Variants in CCDC141 observed in about 807,000 individuals in gnomAD.
CCDC141 encodes coiled-coil domain containing 141.
In CCDC141, 168 loss-of-function variants were observed where a neutral mutation model predicts 181.0. The ratio of observed to expected loss-of-function variants is 0.93; its 90% confidence interval spans 0.82 to 1.05. CCDC141 has a LOEUF of 1.05. Ranked by LOEUF, CCDC141 falls within the 50% of genes least tolerant of loss-of-function variation. The probability of loss-of-function intolerance (pLI) is 0.00; values close to 1 mark genes in which losing one functional copy is unlikely to be tolerated. For missense variants in CCDC141, 1,902 were observed against 1,788.5 expected (o/e 1.06, Z -1.14); for synonymous variants, 666 against 642.3 (o/e 1.04, Z -0.56).
the CCDC141 span, chr2:178,817,535 T>C: frequency 6.4e-6 from 3 of 470,960 alleles, no homozygotes; most frequent in Non-Finnish European, 1.3e-5. Flanking sequence ...CTTCAGTATC[T>C]CCAGGTACCA....
chr2:178,989,637 T>A (rs1382572371), intron 2 of CCDC141, among the ~76,000 whole-genome samples: 1 of 146,666 alleles, frequency 6.8e-6, no homozygotes, highest in Non-Finnish European at 1.5e-5. Flanking sequence ...AATAAATAAA[T>A]AAATAAAACA....
intron 7 of CCDC141, among the ~76,000 whole-genome samples, chr2:178,911,578 C>G (rs1688220584): frequency 1.3e-5 from 2 of 152,180 alleles, no homozygotes; most frequent in Admixed American, 1.3e-4. Flanking sequence ...TACAATTTAT[C>G]ACCAACTATA....
intron 2 of CCDC141, among the ~76,000 whole-genome samples, chr2:179,021,935 A>T (rs933549100): frequency 1.3e-5 from 2 of 152,208 alleles, no homozygotes; most frequent in African/African-American, 4.8e-5. Flanking sequence ...CATAGGCCTA[A>T]TAAAAGATAG....
At chr2:178,868,748 A>T (rs1200158651) in intron 15 of CCDC141, among the ~76,000 whole-genome samples, 2 of 152,200 alleles carry the variant, frequency 1.3e-5, no homozygotes, top group African/African-American at 4.8e-5. Context: ...AATGCAAGAT[A>T]TGTGGAATAC....
intron 2 of CCDC141, among the ~76,000 whole-genome samples, chr2:178,979,709 C>A (rs1267556885): frequency 6.6e-6 from 1 of 152,160 alleles, no homozygotes; most frequent in Non-Finnish European, 1.5e-5. Flanking sequence ...ACAAAAATCA[C>A]TGATGCTTTA....
At chr2:179,018,735 G>A (rs1215016913) in intron 2 of CCDC141, among the ~76,000 whole-genome samples, 1 of 152,172 alleles carries the variant, frequency 6.6e-6, no homozygotes, top group East Asian at 1.9e-4. Context: ...GTACAATTGT[G>A]AGTGAGCTAG....
At chr2:179,017,337 C>T (rs192031157) in intron 2 of CCDC141, among the ~76,000 whole-genome samples, 1 of 152,086 alleles carries the variant, frequency 6.6e-6, no homozygotes, top group Non-Finnish European at 1.5e-5. Context: ...TACAAATGAG[C>T]TTCCACTTCT....
At chr2:178,954,410 G>C (rs1248809142) in intron 5 of CCDC141, among the ~76,000 whole-genome samples, 2 of 152,164 alleles carry the variant, frequency 1.3e-5, no homozygotes. Context: ...GAAAGAACAT[G>C]CTATAATTAT....
intron 2 of CCDC141, among the ~76,000 whole-genome samples, chr2:179,020,158 C>T (rs1433310750): frequency 6.6e-6 from 1 of 152,110 alleles, no homozygotes. Context: ...TTCCATAGAA[C>T]GGGCATGTGT....
intron 7 of CCDC141, among the ~76,000 whole-genome samples, chr2:178,909,051 C>T (rs1260415131): frequency 1.3e-5 from 2 of 152,168 alleles, no homozygotes; most frequent in Non-Finnish European, 2.9e-5. Context: ...ATCTGCCACT[C>T]TCAAATCCTC....
chr2:178,863,063 T>C (rs914802997), intron 17 of CCDC141, among the ~76,000 whole-genome samples: 3 of 152,234 alleles, frequency 2.0e-5, no homozygotes, highest in African/African-American at 7.2e-5. Context: ...AGTGGTTGAA[T>C]GGCACTGAAA....
intron 4 of CCDC141, among the ~76,000 whole-genome samples, chr2:178,969,742 C>G (rs1690799751): frequency 6.6e-6 from 1 of 152,174 alleles, no homozygotes; most frequent in African/African-American, 2.4e-5. Context: ...TCTCAACACT[C>G]CTATTCAACA....
chr2:179,049,530 T>C (rs967482009), intron 1 of CCDC141, among the ~76,000 whole-genome samples: 2 of 152,182 alleles, frequency 1.3e-5, no homozygotes, highest in African/African-American at 4.8e-5. Context: ...GCCTTGCTTT[T>C]AAAGACCAAA....
chr2:179,032,526 C>T (rs894232260), intron 2 of CCDC141, among the ~76,000 whole-genome samples: 2 of 152,112 alleles, frequency 1.3e-5, no homozygotes, highest in Admixed American at 6.6e-5. Context: ...ACATCTGGTA[C>T]GTATATCAGG....
intron 2 of CCDC141, among the ~76,000 whole-genome samples, chr2:179,022,797 T>A (rs1018523567): frequency 9.2e-5 from 14 of 152,088 alleles, no homozygotes; most frequent in African/African-American, 3.4e-4. Context: ...TCCCTTCCAA[T>A]GCCAAGGACA....
At position 179,015,085 on chromosome 2, in the gene CCDC141, TA is replaced by T. The variant is rs1559048571; in HGVS notation, c.225+32198del. Among the ~76,000 whole-genome samples the T allele has an allele frequency of 1.7e-3, 71 of 40,910 alleles. 3 individuals are homozygous for T. The highest frequency in any genetic ancestry group is 4.1e-3 in the African/African-American group (60 of 14,482). The allele number at this position is 40,910 out of a possible 152,430, so 26.8% of individuals were successfully genotyped here. On this transcript the variant is annotated intron_variant, in intron 2 of 23. Coordinates refer to ENST00000443758, the MANE Select transcript of CCDC141 (RefSeq NM_173648.4). Reference sequence around the variant, plus strand: ...AGACAGAGATATATATATATATATATATATATATATATATATATAATATATA... The same window carrying T: ...AGACAGAGATATATATATATATATATTATATATATATATATATAATATATA...
chr2:179,049,505 C>T (rs2043606813), intron 1 of CCDC141, among the ~76,000 whole-genome samples: 1 of 152,072 alleles, frequency 6.6e-6, no homozygotes, highest in South Asian at 2.1e-4. Flanking sequence ...CAATCATGAA[C>T]TTCCAGTTAC....
At chr2:179,019,248 C>T (rs1384279113) in intron 2 of CCDC141, among the ~76,000 whole-genome samples, 3 of 152,094 alleles carry the variant, frequency 2.0e-5, no homozygotes, top group African/African-American at 7.2e-5. Context: ...TGATGCATCT[C>T]CCTGAAGACT....
At chr2:178,912,765 C>CA (rs1688276198) in intron 7 of CCDC141, among the ~76,000 whole-genome samples, 1 of 152,190 alleles carries the variant, frequency 6.6e-6, no homozygotes, top group African/African-American at 2.4e-5. Flanking sequence ...CTGATCTCCC[C>CA]ACCTGCTTCT....
Sources: gnomAD v4.1 joint callset for allele counts (sites outside exome capture counted in the v4.1 genomes callset) on GRCh38, gnomAD v4.1.1 for gene constraint, MANE v1.5 for transcripts, NCBI Gene and HGNC (gene_info 2026-07-23, HGNC 2026-07-21) for gene names.